Variants in AATF observed in about 807,000 individuals in gnomAD.
AATF encodes protein AATF.
AATF carries 48 observed loss-of-function variants against 63.7 expected under a neutral mutation model. The observed-to-expected ratio is 0.75, with a 90% CI of 0.60 to 0.96. The LOEUF (loss-of-function observed/expected upper bound fraction) is 0.96, where lower values mean the gene tolerates loss of function less well. Ranked by LOEUF, AATF falls within the 40% of genes least tolerant of loss-of-function variation. The probability of loss-of-function intolerance (pLI) is 0.00; values close to 1 mark genes in which losing one functional copy is unlikely to be tolerated. For missense variants in AATF, 639 were observed against 685.7 expected, an observed-to-expected ratio of 0.93 and a Z score of 0.76; for synonymous variants, 258 against 247.7, an observed-to-expected ratio of 1.04 and a Z score of -0.39.
intron 4 of AATF, among the ~76,000 whole-genome samples, chr17:36,961,630 A>G (rs944323078): frequency 1.3e-5 from 2 of 151,736 alleles, no homozygotes; most frequent in Non-Finnish European, 2.9e-5. Context: ...CCAGATCTAT[A>G]TTCCCTGGAA....
chr17:36,954,769 GC>G (rs2142204071), intron 4 of AATF, among the ~76,000 whole-genome samples: 1 of 152,274 alleles, frequency 6.6e-6, no homozygotes, highest in East Asian at 1.9e-4. Flanking sequence ...CGGAGATGAG[GC>G]TCCAACTTTT....
At chr17:36,965,899 G>C (rs2070987970) in intron 4 of AATF, among the ~76,000 whole-genome samples, 1 of 151,786 alleles carries the variant, frequency 6.6e-6, no homozygotes, top group Non-Finnish European at 1.5e-5. Flanking sequence ...ATAGAGATGG[G>C]GTCTTGCAGT....
At chr17:36,954,146 C>T (rs2070880787) in intron 4 of AATF, among the ~76,000 whole-genome samples, 1 of 149,692 alleles carries the variant, frequency 6.7e-6, no homozygotes, top group South Asian at 2.1e-4. Flanking sequence ...CAGGTTACTG[C>T]AGCCTCGTCC....
Position 37,056,801 on chromosome 17 carries a change from A to G in AATF, c.*137A>G. 1.1e-6 allele frequency: 1 copy of G among 930,686 alleles called. No homozygotes were observed. Among genetic ancestry groups the G allele is most frequent in the Non-Finnish European group, 1.6e-6 (1 of 619,596 alleles). 57.7% of individuals were successfully genotyped at this position (930,686 alleles called of 1,614,324 possible). On this transcript the variant is annotated 3_prime_UTR_variant, in exon 12 of 12. Coordinates refer to ENST00000619387, the MANE Select transcript of AATF (RefSeq NM_012138.4). ...ATGCTGCGTTCCGAACCTGTGCCTA[A>G]TACACGCAAGGGCGCTGTCCCGCCC...
rs193156077 is a variant in AATF at position 36,995,759 on chromosome 17, G to A, written c.1398+4902G>A. 1.8e-3 allele frequency among the ~76,000 whole-genome samples: 279 copies of A among 152,034 alleles called. 1 individual carries two copies. The highest frequency in any genetic ancestry group is 5.4e-3 in the South Asian group (26 of 4,816). On this transcript the variant is annotated intron_variant, in intron 8 of 11. Transcript: ENST00000619387. ...ATTTTCATATTTTTTGTAGAGACGG[G>A]GTTTTGCTGTGTTGCCCAGGCTGGT...
At chr17:37,024,963 A>T (rs1255219599) in intron 10 of AATF, among the ~76,000 whole-genome samples, 1 of 152,182 alleles carries the variant, frequency 6.6e-6, no homozygotes, top group Non-Finnish European at 1.5e-5. Context: ...TGTCTCAAAA[A>T]AAAAAAGATA....
At chr17:37,046,223 G>A (rs1199220276) in intron 11 of AATF, among the ~76,000 whole-genome samples, 1 of 152,106 alleles carries the variant, frequency 6.6e-6, no homozygotes, top group African/African-American at 2.4e-5. Context: ...GCCTTGCAAG[G>A]CAGGAGATGA....
Position 36,990,760 on chromosome 17 carries a change from C to G in AATF, c.1315-14C>G. On this transcript the variant is annotated splice_polypyrimidine_tract_variant and intron_variant, in intron 7 of 11. Transcript: ENST00000619387. Reference sequence around the variant, plus strand: ...TGTTGGGATTCACTCTTTTCTTACTCATTGTTAACATAGGAGATCCTTCCT... The same window carrying G: ...TGTTGGGATTCACTCTTTTCTTACTGATTGTTAACATAGGAGATCCTTCCT... 1 of 1,550,542 alleles carries G rather than the reference C, an allele frequency of 6.4e-7. No individual in the cohort carries two copies.
chr17:36,991,570 T>C (rs1230004326), intron 8 of AATF, among the ~76,000 whole-genome samples: 3 of 151,072 alleles, frequency 2.0e-5, no homozygotes, highest in African/African-American at 7.3e-5. Flanking sequence ...TATTCCTGAG[T>C]CTCTTGATAA....
At chr17:36,977,986 G>A (rs556757278) in intron 4 of AATF, among the ~76,000 whole-genome samples, 1 of 152,122 alleles carries the variant, frequency 6.6e-6, no homozygotes, top group East Asian at 1.9e-4. Context: ...AGAGTATTCA[G>A]GGAAACCTAA....
intron 4 of AATF, chr17:36,980,511 T>C (rs1300219516): frequency 1.3e-5 from 2 of 152,240 alleles, no homozygotes; most frequent in East Asian, 3.8e-4. Context: ...TTAACTCTTG[T>C]AATAATTGGG....
At chr17:36,971,561 T>G (rs550210660) in intron 4 of AATF, among the ~76,000 whole-genome samples, 6 of 152,360 alleles carry the variant, frequency 3.9e-5, no homozygotes, top group African/African-American at 1.4e-4. Context: ...CCTGATCCAG[T>G]AGTCTCTGTC....
intron 3 of AATF, 36 bp downstream of exon 3, chr17:36,953,332 A>C (rs201504124): frequency 1.9e-6 from 3 of 1,585,730 alleles, no homozygotes; most frequent in African/African-American, 1.4e-5. Context: ...CTGTTTTTCA[A>C]AGTATCTGCA....
intron 11 of AATF, among the ~76,000 whole-genome samples, chr17:37,048,729 A>ATG (rs2071718731): frequency 2.0e-5 from 3 of 152,170 alleles, no homozygotes; most frequent in African/African-American, 7.2e-5. Context: ...CGTGACATAC[A>ATG]TAGGGCTGCC....
At chr17:37,012,797 A>G (rs929059725) in intron 8 of AATF, among the ~76,000 whole-genome samples, 2 of 152,232 alleles carry the variant, frequency 1.3e-5, no homozygotes, top group Non-Finnish European at 2.9e-5. Flanking sequence ...ATCCACATGT[A>G]AAAGAATGAA....
chr17:36,986,116 C>G (rs958135565), intron 4 of AATF, among the ~76,000 whole-genome samples: 2 of 152,120 alleles, frequency 1.3e-5, no homozygotes, highest in East Asian at 3.9e-4. Flanking sequence ...CACATGAGAT[C>G]TCCTGGGGGC....
chr17:36,988,174 G>A (rs1002135167), intron 5 of AATF, among the ~76,000 whole-genome samples: 1 of 151,970 alleles, frequency 6.6e-6, no homozygotes, highest in African/African-American at 2.4e-5. Flanking sequence ...AAAATTAGTC[G>A]GGCATGGTTG....
rs1437489612 is a variant in AATF at position 36,992,209 on chromosome 17, ACTTT to A, written c.1398+1355_1398+1358del. Among the ~76,000 whole-genome samples the A allele has an allele frequency of 2.6e-5, 4 of 152,318 alleles. No homozygotes were observed. In the East Asian group the frequency reaches 5.8e-4, roughly 22 times the overall value. ...GGTCTTGCCCTAAAAAGAGAAAGAG[ACTTT>A]CTATTAATTTTTTTTATTCATTCTA... On this transcript the variant is annotated intron_variant, in intron 8 of 11. Transcript: ENST00000619387.
chr17:37,012,936 G>A (rs891143478), intron 8 of AATF, among the ~76,000 whole-genome samples: 1 of 152,054 alleles, frequency 6.6e-6, no homozygotes, highest in East Asian at 1.9e-4. Context: ...CATGACCTTG[G>A]GTTAGGCAAT....
Sources: allele counts gnomAD v4.1 joint callset (sites outside exome capture counted in the v4.1 genomes callset), GRCh38; gene constraint gnomAD v4.1.1; transcripts MANE v1.5; gene names NCBI Gene and HGNC (gene_info 2026-07-23, HGNC 2026-07-21).